The following MAP3K5 variants were observed in gnomAD, a reference collection of about 807,000 sequenced individuals.
The protein encoded by MAP3K5 is mitogen-activated protein kinase kinase kinase 5.
Under a neutral mutation model 158.7 loss-of-function variants are expected in MAP3K5, and 56 were observed. That is an observed-to-expected ratio of 0.35 (90% CI 0.28 to 0.44). The LOEUF (loss-of-function observed/expected upper bound fraction) is 0.44, where lower values mean the gene tolerates loss of function less well. Among genes scored for constraint, MAP3K5 ranks in the 20% least tolerant of loss-of-function variants. The probability of loss-of-function intolerance (pLI) is 1.00; values close to 1 mark genes in which losing one functional copy is unlikely to be tolerated. For missense variants in MAP3K5, 1,294 were observed against 1,674.8 expected (o/e 0.77, Z 3.97); for synonymous variants, 579 against 601.7 (o/e 0.96, Z 0.55).
intron 1 of MAP3K5, among the ~76,000 whole-genome samples, chr6:136,771,265 T>A (rs1009680466): frequency 3.3e-5 from 5 of 152,078 alleles, no homozygotes; most frequent in African/African-American, 1.2e-4. Flanking sequence ...ACTACACTAA[T>A]CTCATTATTA....
intron 1 of MAP3K5, among the ~76,000 whole-genome samples, chr6:136,744,974 A>T (rs1782870874): frequency 2.0e-5 from 3 of 152,194 alleles, no homozygotes; most frequent in Admixed American, 2.0e-4. Flanking sequence ...ATTTTGATCC[A>T]TTATCATGCT....
At chr6:136,738,395 A>AGGCCGGAC (rs1782565912) in intron 1 of MAP3K5, among the ~76,000 whole-genome samples, 6 of 152,160 alleles carry the variant, frequency 3.9e-5, no homozygotes, top group African/African-American at 1.4e-4. Flanking sequence ...TTTTAACAGA[A>AGGCCGGAC]ATACCCGGCA....
At chr6:136,743,878 C>T (rs947740098) in intron 1 of MAP3K5, among the ~76,000 whole-genome samples, 1 of 152,090 alleles carries the variant, frequency 6.6e-6, no homozygotes. Flanking sequence ...AGCCATCAAG[C>T]CATGAAAGGA....
chr6:136,640,698 G>A (rs1477677934), intron 12 of MAP3K5, among the ~76,000 whole-genome samples: 4 of 152,112 alleles, frequency 2.6e-5, no homozygotes, highest in African/African-American at 9.7e-5. Flanking sequence ...AGTCATTTTT[G>A]TATCTTTGGC....
intron 4 of MAP3K5, 39 bp downstream of exon 4, chr6:136,698,450 T>C (rs761962389): frequency 4.0e-5 from 63 of 1,560,200 alleles, no homozygotes; most frequent in Non-Finnish European, 5.6e-5. Flanking sequence ...AATAACACTT[T>C]ATTGTCATCA....
intron 1 of MAP3K5, among the ~76,000 whole-genome samples, chr6:136,734,702 G>A (rs1045054391): frequency 6.6e-6 from 1 of 152,142 alleles, no homozygotes; most frequent in African/African-American, 2.4e-5. Context: ...TTTTATTGTG[G>A]TTAAGGTCTA....
In MAP3K5 at chr6:136,558,794, TG is replaced by T; in HGVS notation, c.4064+5del. On this transcript the variant is annotated splice_donor_5th_base_variant and intron_variant, in intron 29 of 29. Transcript: ENST00000359015. ...TCCATAGTGACAACAGAAAGAAAAG[TG>T]GTACCTTAGTCTCAAGCATTTTAAG... 1.3e-6 allele frequency: 2 copies of T among 1,555,734 alleles called. No homozygotes were observed. Among genetic ancestry groups the T allele is most frequent in the South Asian group, 1.1e-5 (1 of 89,162 alleles).
At position 136,651,095 on chromosome 6, in the gene MAP3K5, G is replaced by C. The variant is rs1415803851; in HGVS notation, c.1681-4C>G. ...TGGTTGGTTCTAATATTAATACCTT[G>C]AAAAGATACGGCAAAGAAACTAATA... On this transcript the variant is annotated splice_region_variant and splice_polypyrimidine_tract_variant and intron_variant, in intron 10 of 29. Coordinates refer to ENST00000359015, the MANE Select transcript of MAP3K5 (RefSeq NM_005923.4). 1 of 1,483,166 alleles carries C rather than the reference G, an allele frequency of 6.7e-7. No individual in the cohort carries two copies. Among genetic ancestry groups the C allele is most frequent in the Non-Finnish European group, 9.4e-7 (1 of 1,065,896 alleles). 91.9% of individuals were successfully genotyped at this position (1,483,166 alleles called of 1,614,324 possible). A position where few individuals can be genotyped will look rare whatever the true frequency, so the allele number is the denominator to read the frequency against.
chr6:136,666,975 T>C (rs980612487), intron 8 of MAP3K5, among the ~76,000 whole-genome samples: 2 of 152,216 alleles, frequency 1.3e-5, no homozygotes, highest in African/African-American at 4.8e-5. Flanking sequence ...TGAAAAAAAT[T>C]AACATGTTTC....
chr6:136,658,464 G>A (rs554112341), intron 9 of MAP3K5, among the ~76,000 whole-genome samples: 2 of 151,582 alleles, frequency 1.3e-5, no homozygotes, highest in South Asian at 2.1e-4. Flanking sequence ...ACAGGCACCC[G>A]CGATCATGCC....
chr6:136,621,968 C>T (rs999054797), intron 15 of MAP3K5, among the ~76,000 whole-genome samples: 1 of 151,936 alleles, frequency 6.6e-6, no homozygotes. Flanking sequence ...CACCTGTAGT[C>T]CCAGCTACTC....
chr6:136,717,116 A>G (rs1281679075), intron 2 of MAP3K5, among the ~76,000 whole-genome samples: 1 of 152,112 alleles, frequency 6.6e-6, no homozygotes, highest in Admixed American at 6.5e-5. Flanking sequence ...AAAAAAAGAA[A>G]AAATCAACTT....
intron 1 of MAP3K5, among the ~76,000 whole-genome samples, chr6:136,774,475 A>C (rs1784332700): frequency 6.6e-6 from 1 of 152,062 alleles, no homozygotes; most frequent in Admixed American, 6.6e-5. Flanking sequence ...AAACAACAAC[A>C]ACAAACAATT....
chr6:136,745,434 G>A (rs779908097), intron 1 of MAP3K5, among the ~76,000 whole-genome samples: 3 of 152,156 alleles, frequency 2.0e-5, no homozygotes, highest in Non-Finnish European at 4.4e-5. Flanking sequence ...GGCACTCAAA[G>A]AGTTAAAGGA....
chr6:136,564,463 G>A (rs1311625907), intron 26 of MAP3K5, among the ~76,000 whole-genome samples: 1 of 152,224 alleles, frequency 6.6e-6, no homozygotes, highest in Admixed American at 6.5e-5. Flanking sequence ...CAGGGTCTTG[G>A]AGGGAGGCTT....
chr6:136,637,671 T>A (rs1777708095), intron 13 of MAP3K5, among the ~76,000 whole-genome samples: 2 of 152,138 alleles, frequency 1.3e-5, no homozygotes, highest in African/African-American at 4.8e-5. Context: ...TTTTTTTTTT[T>A]TCTTCTAGAG....
chr6:136,586,948 C>G (rs1775167027), intron 23 of MAP3K5, among the ~76,000 whole-genome samples: 1 of 152,198 alleles, frequency 6.6e-6, no homozygotes, highest in Non-Finnish European at 1.5e-5. Flanking sequence ...GCTCTCCATG[C>G]TCCTCAGCCT....
intron 3 of MAP3K5, among the ~76,000 whole-genome samples, chr6:136,701,615 C>A (rs1426814786): frequency 3.3e-5 from 5 of 152,156 alleles, no homozygotes; most frequent in African/African-American, 1.2e-4. Context: ...CAAGCTACTG[C>A]CGAAGCAGAA....
At chr6:136,655,407 T>C (rs1778698646) in intron 10 of MAP3K5, among the ~76,000 whole-genome samples, 1 of 152,222 alleles carries the variant, frequency 6.6e-6, no homozygotes, top group African/African-American at 2.4e-5. Context: ...CAAGGCTTCA[T>C]CTGGAAGCAA....
Sources: gnomAD v4.1 joint callset for allele counts (sites outside exome capture counted in the v4.1 genomes callset) on GRCh38, gnomAD v4.1.1 for gene constraint, MANE v1.5 for transcripts, NCBI Gene and HGNC (gene_info 2026-07-23, HGNC 2026-07-21) for gene names.